MRPL19: variants seen among roughly 807,000 people sequenced by gnomAD.
The protein encoded by MRPL19 is large ribosomal subunit protein bL19m.
In MRPL19, 31 loss-of-function variants were observed where a neutral mutation model predicts 34.0. That is an observed-to-expected ratio of 0.91 (90% confidence interval 0.68 to 1.23). The LOEUF (loss-of-function observed/expected upper bound fraction) is 1.23, where lower values mean the gene tolerates loss of function less well. Among genes scored for constraint, MRPL19 ranks in the 50% most tolerant of loss-of-function variants. MRPL19 has a pLI of 0.00. For missense variants in MRPL19, 384 were observed against 367.6 expected (o/e 1.04, Z -0.37); for synonymous variants, 152 against 127.7 (o/e 1.19, Z -1.28).
chr2:75,652,435 C>A, intron 3 of MRPL19, 88 bp from the exon 4 acceptor site: 1 of 1,469,932 alleles, frequency 6.8e-7, no homozygotes, highest in Non-Finnish European at 9.3e-7. Context: ...TCTAGAAATG[C>A]TATTTGTTTG....
chr2:75,659,949 A>G lies in MRPL19; in HGVS notation c.*4664A>G, dbSNP rs115493903. Among the ~76,000 whole-genome samples, 690 of 151,902 alleles carry G rather than the reference A, an allele frequency of 4.5e-3. 2 individuals carry two copies. The highest frequency in any genetic ancestry group is 0.016 in the African/African-American group (645 of 41,454). On this transcript the variant is annotated 3_prime_UTR_variant, in exon 6 of 6. Coordinates refer to ENST00000393909, the MANE Select transcript of MRPL19 (RefSeq NM_014763.4). ...GACATATTTGGCTATTATTTCTTCA[A>G]TTTTTTTCACTGCTTCTTTCTTTTC... is the stretch of plus-strand genomic sequence containing the variant.
intron 2 of MRPL19, chr2:75,651,265 G>A: frequency 2.0e-6 from 1 of 491,950 alleles, no homozygotes; most frequent in South Asian, 1.5e-5. Context: ...AAGAGAAAAT[G>A]GTTCAGGGAC....
Position 75,659,007 on chromosome 2 carries a change from T to A in MRPL19, c.*3722T>A, listed in dbSNP as rs1218186423. On this transcript the variant is annotated 3_prime_UTR_variant, in exon 6 of 6. Coordinates refer to ENST00000393909, the MANE Select transcript of MRPL19 (RefSeq NM_014763.4). ...CCTTTTGATTGGAAAATTTAATCCA[T>A]TTGCATTTAAAGTAATTAAGGAAGG... 6.6e-6 allele frequency among the ~76,000 whole-genome samples: 1 copy of A among 152,134 alleles called. No individual in the cohort carries two copies. Among genetic ancestry groups the A allele is most frequent in the Non-Finnish European group, 1.5e-5 (1 of 68,014 alleles).
chr2:75,655,086 A>C lies in MRPL19; in HGVS notation c.680A>C (p.Lys227Thr), dbSNP rs186329774. ...TAGCTGAAAGTAAAAATGAAGCCTAAGCCCTGGTCTAAACGCTGGGAACGT... is the reference window on the plus strand; with the variant it reads ...TAGCTGAAAGTAAAAATGAAGCCTACGCCCTGGTCTAAACGCTGGGAACGT... ...VNELKVKMKP[K>T]PWSKRWERPN... The change falls in exon 6 of 6, where the codon AAG becomes ACG. Residue 227 changes from lysine to threonine, a missense_variant. Lys to Thr is a moderately conservative substitution (Grantham distance 78, BLOSUM62 -1). Coordinates refer to ENST00000393909, the MANE Select transcript of MRPL19 (RefSeq NM_014763.4). The C allele has an allele frequency of 6.3e-7, 1 of 1,598,928 alleles. No individual in the cohort carries two copies. Among genetic ancestry groups the C allele is most frequent in the African/African-American group, 1.4e-5 (1 of 73,114 alleles).
chr2:75,648,166 T>C (rs2104122923), intron 2 of MRPL19, among the ~76,000 whole-genome samples: 1 of 152,240 alleles, frequency 6.6e-6, no homozygotes, highest in Middle Eastern at 3.4e-3. Context: ...CTTTTGAGGG[T>C]AGAAATGGAA....
Position 75,659,099 on chromosome 2 carries a change from T to C in MRPL19, c.*3814T>C, listed in dbSNP as rs1349887880. Among the ~76,000 whole-genome samples the C allele has an allele frequency of 6.6e-6, 1 of 152,078 alleles. No homozygotes were observed. The highest frequency in any genetic ancestry group is 2.4e-5 in the African/African-American group (1 of 41,426). ...CTTTTTTGGCCCCTCATTTCCTCTT[T>C]ATGGCCTTCTTTTCTGTTTTTTTGT... On this transcript the variant is annotated 3_prime_UTR_variant, in exon 6 of 6. Transcript: ENST00000393909.
At position 75,657,504 on chromosome 2, in the gene MRPL19, G is replaced by A. The variant is rs1463722820; in HGVS notation, c.*2219G>A. The A allele has an allele frequency of 1.3e-5, 2 of 152,120 alleles. No individual in the cohort carries two copies. Among genetic ancestry groups the A allele is most frequent in the African/African-American group, 2.4e-5 (1 of 41,428 alleles). The allele number at this position is 152,120 out of a possible 1,614,324, so 9.4% of individuals were successfully genotyped here. ...GTAATAGATATCCTATCCTTCACTTGTTTAGATTATTTGCTGAGATAACCT... is the reference window on the plus strand; with the variant it reads ...GTAATAGATATCCTATCCTTCACTTATTTAGATTATTTGCTGAGATAACCT... On this transcript the variant is annotated 3_prime_UTR_variant, in exon 6 of 6. Transcript: ENST00000393909.
chr2:75,659,528 T>C lies in MRPL19; in HGVS notation c.*4243T>C, dbSNP rs1678552311. ...TGCCCTTCCATTTCGGCCCAAAGGA[T>C]TCCCTTATGCATTTCTTGCAGGGCA... On this transcript the variant is annotated 3_prime_UTR_variant, in exon 6 of 6. Transcript: ENST00000393909. Among the ~76,000 whole-genome samples, 1 of 152,160 alleles carries C rather than the reference T, an allele frequency of 6.6e-6. No individual in the cohort carries two copies. The highest frequency in any genetic ancestry group is 2.1e-4 in the South Asian group (1 of 4,830).
At chr2:75,649,729 C>G (rs1678292093) in intron 2 of MRPL19, among the ~76,000 whole-genome samples, 1 of 152,094 alleles carries the variant, frequency 6.6e-6, no homozygotes, top group South Asian at 2.1e-4. Context: ...ACTCCTACTC[C>G]TGGGCCCCTC....
chr2:75,655,343 T>C lies in MRPL19; in HGVS notation c.*58T>C, dbSNP rs1272469232. 1 of 1,219,814 alleles carries C rather than the reference T, an allele frequency of 8.2e-7. No individual in the cohort carries two copies. The highest frequency in any genetic ancestry group is 2.4e-5 in the East Asian group (1 of 41,580). 75.6% of individuals were successfully genotyped at this position (1,219,814 alleles called of 1,614,324 possible). A position where few individuals can be genotyped will look rare whatever the true frequency, so the allele number is the denominator to read the frequency against. On this transcript the variant is annotated 3_prime_UTR_variant, in exon 6 of 6. Coordinates refer to ENST00000393909, the MANE Select transcript of MRPL19 (RefSeq NM_014763.4). ...TACATTGGCTCTAAGAGGATATATT[T>C]TGAGACCAATTTAATTTCATTTATA...
Position 75,656,671 on chromosome 2 carries a change from G to C in MRPL19, c.*1386G>C, listed in dbSNP as rs545309777. ...TTTTCTTTGTTTCTATTGTTGTATT[G>C]AGAAATCCAATGCCATTTTGATTTC... is the stretch of plus-strand genomic sequence containing the variant. On this transcript the variant is annotated 3_prime_UTR_variant, in exon 6 of 6. Coordinates refer to ENST00000393909, the MANE Select transcript of MRPL19 (RefSeq NM_014763.4). The C allele has an allele frequency of 4.6e-5, 7 of 151,942 alleles. No individual in the cohort carries two copies. The highest frequency in any genetic ancestry group is 1.0e-4 in the Non-Finnish European group (7 of 67,966). 9.4% of individuals were successfully genotyped at this position (151,942 alleles called of 1,614,324 possible).
At position 75,654,820 on chromosome 2, in the gene MRPL19, T is replaced by C; in HGVS notation, c.560T>C (p.Leu187Ser). The change falls in exon 5 of 6, where the codon TTG becomes TCG. Residue 187 changes from leucine to serine, a missense_variant. Leu to Ser is a moderately radical substitution (Grantham distance 145). Transcript: ENST00000393909. ...VKLEKRLDDS[L>S]LYLRDALPEY... Reference sequence around the variant, plus strand: ...TTAGAGAAACGGCTGGATGATAGCTTGCTATACTTACGAGATGCCCTTCCT... The same window carrying C: ...TTAGAGAAACGGCTGGATGATAGCTCGCTATACTTACGAGATGCCCTTCCT... 1.2e-6 allele frequency: 2 copies of C among 1,613,912 alleles called. No individual in the cohort carries two copies. The highest frequency in any genetic ancestry group is 8.5e-7 in the Non-Finnish European group (1 of 1,179,858).
chr2:75,647,150 C>A lies in MRPL19; in HGVS notation c.152C>A (p.Pro51His). ...VRQQSTGPSE[P>H]GAFQPPPKPV... is the part of the protein sequence containing the mutation. ...CAGCAGAGCACTGGGCCTTCCGAGCCCGGTGCGTTCCAACCGCCGCCGAAA... is the reference window on the plus strand; with the variant it reads ...CAGCAGAGCACTGGGCCTTCCGAGCACGGTGCGTTCCAACCGCCGCCGAAA... Residue 51 changes from proline (P) to histidine (H), a missense_variant, in exon 2 of 6, where the codon CCC (proline) becomes CAC (histidine). Coordinates refer to ENST00000393909, the MANE Select transcript of MRPL19 (RefSeq NM_014763.4). 1 of 1,578,052 alleles carries A rather than the reference C, an allele frequency of 6.3e-7. No individual in the cohort carries two copies. The highest frequency in any genetic ancestry group is 8.6e-7 in the Non-Finnish European group (1 of 1,161,322).
At chr2:75,652,472 T>A in intron 3 of MRPL19, 51 bp from the exon 4 acceptor site, 7 of 1,589,902 alleles carry the variant, frequency 4.4e-6, no homozygotes, top group Non-Finnish European at 6.0e-6. Context: ...AAAGTTTACT[T>A]CTCAGCTGGG....
intron 2 of MRPL19, among the ~76,000 whole-genome samples, chr2:75,650,340 A>G (rs1678305795): frequency 6.6e-6 from 1 of 152,238 alleles, no homozygotes; most frequent in Non-Finnish European, 1.5e-5. Context: ...TAAGACTTAC[A>G]CAATTTTCAC....
chr2:75,654,584 G>T, intron 4 of MRPL19, 152 bp from the exon 5 acceptor site: 3 of 599,896 alleles, frequency 5.0e-6, no homozygotes, highest in South Asian at 3.0e-5. Flanking sequence ...ATTTCTTTCA[G>T]TAATCTTTAT....
chr2:75,652,326 G>C (rs4853168), intron 3 of MRPL19, 66 bp downstream of exon 3: 328,062 of 1,351,196 alleles, frequency 0.24, 41,681 homozygotes, highest in South Asian at 0.27. Context: ...TGGATGGTTA[G>C]TTTTCTTAAA....
intron 2 of MRPL19, among the ~76,000 whole-genome samples, chr2:75,649,164 A>G (rs566704023): frequency 6.6e-6 from 1 of 152,372 alleles, no homozygotes; most frequent in Non-Finnish European, 1.5e-5. Flanking sequence ...CAAAAAAGTT[A>G]ATGTTATAAA....
intron 2 of MRPL19, among the ~76,000 whole-genome samples, chr2:75,650,609 A>G (rs925516144): frequency 6.6e-6 from 1 of 152,188 alleles, no homozygotes; most frequent in Non-Finnish European, 1.5e-5. Flanking sequence ...CCTCCTACAG[A>G]GGCACAAACA....
Sources: gnomAD v4.1 joint callset for allele counts (sites outside exome capture counted in the v4.1 genomes callset) on GRCh38, gnomAD v4.1.1 for gene constraint, MANE v1.5 for transcripts, NCBI Gene and HGNC (gene_info 2026-07-23, HGNC 2026-07-21) for gene names.